SETBP1: variants seen among roughly 807,000 people sequenced by gnomAD.
SETBP1 encodes SET-binding protein.
A neutral mutation model predicts 101.0 loss-of-function variants in SETBP1; 9 were observed. The observed-to-expected ratio is 0.09, with a 90% confidence interval of 0.05 to 0.16. SETBP1 has a LOEUF of 0.16. Ranked by LOEUF, SETBP1 falls within the 10% of genes least tolerant of loss-of-function variation. The pLI, the probability that SETBP1 is intolerant of heterozygous loss-of-function variation, is 1.00. For synonymous variants in SETBP1, 818 were observed against 788.5 expected (o/e 1.04, Z -0.63); for missense variants, 1,858 against 2,033.8 (o/e 0.91, Z 1.66).
At chr18:44,997,125 T>C (rs1444992007) in intron 4 of SETBP1, among the ~76,000 whole-genome samples, 1 of 136,844 alleles carries the variant, frequency 7.3e-6, no homozygotes, top group Non-Finnish European at 1.6e-5. Flanking sequence ...TCCAGGAGCA[T>C]CTCTTTGTTC....
intron 1 of SETBP1, among the ~76,000 whole-genome samples, chr18:44,691,018 A>G (rs2068922093): frequency 6.6e-6 from 1 of 152,192 alleles, no homozygotes; most frequent in African/African-American, 2.4e-5. Flanking sequence ...GATGCCCAAG[A>G]GAGTTTAAGT....
Position 45,038,141 on chromosome 18 carries a change from C to A in SETBP1, c.4001-344C>A, listed in dbSNP as rs1021241886. Among the ~76,000 whole-genome samples the A allele has an allele frequency of 3.3e-5, 5 of 152,286 alleles. 1 individual carries two copies. In the Middle Eastern group the frequency reaches 0.014, roughly 414 times the overall value. On this transcript the variant is annotated intron_variant, in intron 4 of 5. Transcript: ENST00000649279. Reference sequence around the variant, plus strand: ...AGCCATGTCTCTTCCACTCTGAACTCCCCTTCATGCTGCACACAGCACAGC... The same window carrying A: ...AGCCATGTCTCTTCCACTCTGAACTACCCTTCATGCTGCACACAGCACAGC...
At chr18:44,998,963 C>G (rs1016775253) in intron 4 of SETBP1, among the ~76,000 whole-genome samples, 3 of 152,188 alleles carry the variant, frequency 2.0e-5, no homozygotes, top group African/African-American at 7.2e-5. Context: ...ATGTCTTAAG[C>G]TACTAATGTT....
chr18:44,688,376 A>G (rs2068871750), intron 1 of SETBP1, among the ~76,000 whole-genome samples: 1 of 152,144 alleles, frequency 6.6e-6, no homozygotes, highest in African/African-American at 2.4e-5. Context: ...GGGAGCACCA[A>G]TGTGCTTGTA....
chr18:44,960,490 A>G (rs921816460), intron 4 of SETBP1, among the ~76,000 whole-genome samples: 22 of 152,018 alleles, frequency 1.4e-4, no homozygotes, highest in Admixed American at 3.3e-4. Context: ...GTATGCCACC[A>G]TACCCTGTTA....
intron 4 of SETBP1, among the ~76,000 whole-genome samples, chr18:44,956,376 A>T (rs765180310): frequency 1.3e-5 from 2 of 152,132 alleles, no homozygotes; most frequent in Non-Finnish European, 2.9e-5. Flanking sequence ...GCCAAGTTCC[A>T]TGAAAAGACA....
chr18:44,971,384 T>C (rs566120811), intron 4 of SETBP1, among the ~76,000 whole-genome samples: 4 of 152,334 alleles, frequency 2.6e-5, no homozygotes, highest in South Asian at 2.1e-4. Flanking sequence ...CCTTTGGGTA[T>C]ATACCCAGAA....
intron 2 of SETBP1, among the ~76,000 whole-genome samples, chr18:44,788,426 C>T (rs1369972062): frequency 1.3e-5 from 2 of 152,194 alleles, no homozygotes; most frequent in Admixed American, 6.5e-5. Flanking sequence ...GCACAACCTC[C>T]TAAGCTATGT....
chr18:44,947,427 A>G (rs965344140), intron 3 of SETBP1, among the ~76,000 whole-genome samples: 1 of 151,912 alleles, frequency 6.6e-6, no homozygotes, highest in East Asian at 1.9e-4. Flanking sequence ...TAGAGGTGGG[A>G]AAAAAAGAAG....
At chr18:45,042,029 A>C (rs938172038) in intron 5 of SETBP1, among the ~76,000 whole-genome samples, 1 of 152,190 alleles carries the variant, frequency 6.6e-6, no homozygotes, top group Non-Finnish European at 1.5e-5. Flanking sequence ...CACATAGTAC[A>C]TGCTCAGTAA....
chr18:44,776,982 G>A (rs1599111413), intron 2 of SETBP1, among the ~76,000 whole-genome samples: 2 of 152,194 alleles, frequency 1.3e-5, no homozygotes, highest in Non-Finnish European at 2.9e-5. Flanking sequence ...TAACTCAGAT[G>A]AGGAAGGCAG....
chr18:44,856,829 G>A (rs16978204), intron 2 of SETBP1, among the ~76,000 whole-genome samples: 9,620 of 152,268 alleles, frequency 0.063, 380 homozygotes, highest in East Asian at 0.15. Context: ...TTGCGATATG[G>A]CAAAGGTAAG....
chr18:45,068,061 G>A lies in SETBP1; in HGVS notation c.*4363G>A, dbSNP rs2073992097. ...GGGGCACAAGATTGTCTTACAAGTC[G>A]TGCTGGCTAATTTTTAGTTTGTATT... On this transcript the variant is annotated 3_prime_UTR_variant, in exon 6 of 6. Transcript: ENST00000649279. 6.6e-6 allele frequency: 1 copy of A among 152,088 alleles called. No homozygotes were observed. The highest frequency in any genetic ancestry group is 1.5e-5 in the Non-Finnish European group (1 of 68,030). 9.4% of individuals were successfully genotyped at this position (152,088 alleles called of 1,614,324 possible).
At position 44,967,337 on chromosome 18, in the gene SETBP1, T is replaced by C. The variant is rs371902026; in HGVS notation, c.4000+13997T>C. ...GGCATCGGGACTGTCACGGCAAGAA[T>C]GTGTATGACTATTCAGTAGCACTTG... On this transcript the variant is annotated intron_variant, in intron 4 of 5. Coordinates refer to ENST00000649279, the MANE Select transcript of SETBP1 (RefSeq NM_015559.3). Among the ~76,000 whole-genome samples, 13 of 152,254 alleles carry C rather than the reference T, an allele frequency of 8.5e-5. 1 individual carries two copies. The highest frequency in any genetic ancestry group is 2.9e-4 in the African/African-American group (12 of 41,468).
intron 2 of SETBP1, among the ~76,000 whole-genome samples, chr18:44,816,522 C>T (rs1012494224): frequency 1.3e-5 from 2 of 152,142 alleles, no homozygotes; most frequent in African/African-American, 4.8e-5. Flanking sequence ...CCTACCTCTG[C>T]CTTTACTAGA....
chr18:44,918,973 A>T (rs1036399932), intron 3 of SETBP1, among the ~76,000 whole-genome samples: 1 of 152,150 alleles, frequency 6.6e-6, no homozygotes, highest in Non-Finnish European at 1.5e-5. Context: ...CCCACTTTGG[A>T]TTCTGCTGGA....
rs1568195543 is a variant in SETBP1 at position 44,876,730 on chromosome 18, GCAGT to G, written c.540+7449_540+7452del. 3 of 1,540,434 alleles carry G rather than the reference GCAGT, an allele frequency of 1.9e-6. No homozygotes were observed. The South Asian group carries it at 3.6e-5, about 19-fold the overall frequency. Reference sequence around the variant, plus strand: ...CACTCTTCCTTTTCACAGTGAACCTGCAGTCTGGGCACAAGAAGTATAACTTCGC... The same window carrying G: ...CACTCTTCCTTTTCACAGTGAACCTGCTGGGCACAAGAAGTATAACTTCGC... On this transcript the variant is annotated intron_variant, in intron 3 of 5. Coordinates refer to ENST00000649279, the MANE Select transcript of SETBP1 (RefSeq NM_015559.3).
intron 4 of SETBP1, among the ~76,000 whole-genome samples, chr18:44,972,735 A>G (rs2071895379): frequency 6.6e-6 from 1 of 152,218 alleles, no homozygotes; most frequent in South Asian, 2.1e-4. Context: ...TTGTATCCAG[A>G]GACTTTGCTG....
rs1228438135 is a variant in SETBP1 at position 45,066,559 on chromosome 18, C to T, written c.*2861C>T. Reference sequence around the variant, plus strand: ...CCCACCTGTCCAAACTCAGCTCAGCCGTGGGCCAATGCAGCTTACAGACGG... The same window carrying T: ...CCCACCTGTCCAAACTCAGCTCAGCTGTGGGCCAATGCAGCTTACAGACGG... On this transcript the variant is annotated 3_prime_UTR_variant, in exon 6 of 6. Transcript: ENST00000649279. 2.0e-5 allele frequency: 3 copies of T among 152,144 alleles called. No homozygotes were observed. Among genetic ancestry groups the T allele is most frequent in the African/African-American group, 7.2e-5 (3 of 41,386 alleles). The allele number at this position is 152,144 out of a possible 1,614,324, so 9.4% of individuals were successfully genotyped here.
Sources: allele counts gnomAD v4.1 joint callset (sites outside exome capture counted in the v4.1 genomes callset), GRCh38; gene constraint gnomAD v4.1.1; transcripts MANE v1.5; gene names NCBI Gene and HGNC (gene_info 2026-07-23, HGNC 2026-07-21).